Variants in THADA observed in about 807,000 individuals in gnomAD.
THADA encodes THADA armadillo repeat containing, also known as tRNA (32-2'-O)-methyltransferase regulator THADA.
A neutral mutation model predicts 219.8 loss-of-function variants in THADA; 213 were observed. The observed-to-expected ratio is 0.97, with a 90% CI of 0.87 to 1.09. The LOEUF (loss-of-function observed/expected upper bound fraction) is 1.09. Ranked by LOEUF, THADA falls within the 50% of genes least tolerant of loss-of-function variation. The pLI, the probability that THADA is intolerant of heterozygous loss-of-function variation, is 0.00. For missense variants in THADA, 2,956 were observed against 2,311.3 expected (o/e 1.28, Z -5.72); for synonymous variants, 1,018 against 828.9 (o/e 1.23, Z -3.92).
intron 29 of THADA, among the ~76,000 whole-genome samples, chr2:43,383,039 T>C (rs1389623366): frequency 6.6e-6 from 1 of 152,152 alleles, no homozygotes. Context: ...AAAGAATAAA[T>C]TATGAAAATG....
chr2:43,231,000 G>C lies in THADA; in HGVS notation c.5810C>G (p.Ser1937Cys). 1 of 1,613,870 alleles carries C rather than the reference G, an allele frequency of 6.2e-7. No individual in the cohort carries two copies. The highest frequency in any genetic ancestry group is 8.5e-7 in the Non-Finnish European group (1 of 1,179,836). ...AGTTAACTGCCTCGATTCTGCATAA[G>C]AGTCCCAAACACTGAGAACTAGGGT... ...EDTLVLSVWD[S>C]YAESRQLTLP... The change falls in exon 38 of 38, where the codon TCT (serine) becomes TGT (cysteine). Residue 1937 changes from serine to cysteine, a missense_variant. By Grantham distance (112) the Ser-to-Cys change is moderately radical. Coordinates refer to ENST00000405975, the MANE Select transcript of THADA (RefSeq NM_022065.5).
At chr2:43,234,367 A>G (rs1366028965) in intron 36 of THADA, among the ~76,000 whole-genome samples, 2 of 152,116 alleles carry the variant, frequency 1.3e-5, no homozygotes, top group African/African-American at 2.4e-5. Flanking sequence ...TACTGATCTC[A>G]CCATCTTGAG....
chr2:43,472,980 G>C (rs1264099371), intron 26 of THADA, among the ~76,000 whole-genome samples: 1 of 152,198 alleles, frequency 6.6e-6, no homozygotes, highest in Non-Finnish European at 1.5e-5. Context: ...ACTGGAAGTT[G>C]TTCTGGGGTG....
chr2:43,332,364 G>A (rs1304132039), intron 30 of THADA, among the ~76,000 whole-genome samples: 1 of 152,124 alleles, frequency 6.6e-6, no homozygotes, highest in Non-Finnish European at 1.5e-5. Context: ...TCCCTTCTCT[G>A]CTTCTGCAAC....
intron 29 of THADA, among the ~76,000 whole-genome samples, chr2:43,394,186 T>C (rs1673745519): frequency 6.6e-6 from 1 of 152,230 alleles, no homozygotes; most frequent in African/African-American, 2.4e-5. Flanking sequence ...TCACCTTTTC[T>C]AATGTGTGTT....
rs181359788 is a variant in THADA, at chr2:43,417,753, T to C, written c.4058+10347A>G. 4.6e-5 allele frequency among the ~76,000 whole-genome samples: 7 copies of C among 152,336 alleles called. No homozygotes were observed. The East Asian group carries it at 7.7e-4, about 17-fold the overall frequency. On this transcript the variant is annotated intron_variant, in intron 28 of 37. Coordinates refer to ENST00000405975, the MANE Select transcript of THADA (RefSeq NM_022065.5). ...GAGCTAGAATAGCTAAAGCAGTCGC[T>C]AACAGCATGGGTTCTAGAGTCAGAT...
At position 43,578,581 on chromosome 2, in the gene THADA, T is replaced by C; in HGVS notation, c.748A>G (p.Thr250Ala). 1.2e-6 allele frequency: 2 copies of C among 1,612,496 alleles called. No homozygotes were observed. Among genetic ancestry groups the C allele is most frequent in the Non-Finnish European group, 1.7e-6 (2 of 1,178,844 alleles). The change falls in exon 9 of 38, where the codon ACA (threonine) becomes GCA (alanine). Residue 250 changes from threonine (T) to alanine (A), a missense_variant. By Grantham distance (58) the Thr-to-Ala change is moderately conservative. Coordinates refer to ENST00000405975, the MANE Select transcript of THADA (RefSeq NM_022065.5). ...AAAAGAATAATAGCTAATCCAGATG[T>C]GCTCTGTACAGTCTGTAACAGATCA... ...DDDLLQTVQS[T>A]SGLAIILFIK...
chr2:43,282,047 G>T (rs1572898709), intron 35 of THADA, among the ~76,000 whole-genome samples: 1 of 152,198 alleles, frequency 6.6e-6, no homozygotes, highest in East Asian at 1.9e-4. Flanking sequence ...TAGGATTATA[G>T]GCATGAGTCA....
At chr2:43,363,346 C>A (rs1669742569) in intron 29 of THADA, among the ~76,000 whole-genome samples, 1 of 152,166 alleles carries the variant, frequency 6.6e-6, no homozygotes, top group African/African-American at 2.4e-5. Flanking sequence ...TTTTTAGCCC[C>A]ATTATAATCT....
rs567872757 is a variant in THADA, at chr2:43,427,683, G to A, written c.4058+417C>T. On this transcript the variant is annotated intron_variant, in intron 28 of 37. Transcript: ENST00000405975. ...AAAAAAATATATAATATGGCCGGGCGCGGTGGCTCATGCCTGTAATCCCAG... is the reference window on the plus strand; with the variant it reads ...AAAAAAATATATAATATGGCCGGGCACGGTGGCTCATGCCTGTAATCCCAG... 4.0e-5 allele frequency among the ~76,000 whole-genome samples: 6 copies of A among 149,254 alleles called. No individual in the cohort carries two copies. In the South Asian group the frequency reaches 6.3e-4, roughly 16 times the overall value.
chr2:43,557,063 A>G (rs1697451547), intron 16 of THADA, among the ~76,000 whole-genome samples: 1 of 152,172 alleles, frequency 6.6e-6, no homozygotes, highest in African/African-American at 2.4e-5. Context: ...AGCCTAGGCA[A>G]TAGAGTGAGA....
At chr2:43,289,284 G>A (rs1674410755) in intron 34 of THADA, among the ~76,000 whole-genome samples, 1 of 152,174 alleles carries the variant, frequency 6.6e-6, no homozygotes, top group Non-Finnish European at 1.5e-5. Context: ...AACAGGGACT[G>A]TTGTTCCAGA....
intron 16 of THADA, among the ~76,000 whole-genome samples, chr2:43,557,287 G>C (rs1697490314): frequency 6.6e-6 from 1 of 152,114 alleles, no homozygotes; most frequent in South Asian, 2.1e-4. Flanking sequence ...TCTTTCTTCA[G>C]CAAAAGTGTA....
intron 1 of THADA, among the ~76,000 whole-genome samples, chr2:43,595,251 G>A (rs777041378): frequency 6.6e-6 from 1 of 152,208 alleles, no homozygotes; most frequent in Non-Finnish European, 1.5e-5. Context: ...TGTTTGGGAA[G>A]TAAGAAATCC....
At chr2:43,361,677 C>A (rs1026681044) in intron 29 of THADA, among the ~76,000 whole-genome samples, 5 of 152,230 alleles carry the variant, frequency 3.3e-5, no homozygotes, top group African/African-American at 1.2e-4. Context: ...GTCCCAGAAA[C>A]TGTGCTTTCT....
rs1164015549 is a variant in THADA at position 43,292,194 on chromosome 2, G to C, written c.4847C>G (p.Pro1616Arg). ...CTCCGTCTGGGGAAGCCACTCACCA[G>C]GGTCCATGCAGTGGAGAATTTTCAG... ...KILKILHCMD[P>R]GEWLPQTEHC... Residue 1616 changes from proline (P) to arginine (R), a missense_variant, in exon 33 of 38, where the codon CCT becomes CGT. By Grantham distance (103) the Pro-to-Arg change is moderately radical (BLOSUM62 -2). Transcript: ENST00000405975. 6.2e-7 allele frequency: 1 copy of C among 1,610,428 alleles called. No individual in the cohort carries two copies. Among genetic ancestry groups the C allele is most frequent in the Non-Finnish European group, 8.5e-7 (1 of 1,178,702 alleles).
chr2:43,589,334 C>T (rs944317055), intron 4 of THADA, among the ~76,000 whole-genome samples: 2 of 152,070 alleles, frequency 1.3e-5, no homozygotes, highest in Non-Finnish European at 2.9e-5. Context: ...AGGGATGAAC[C>T]TTAAGGACAT....
At chr2:43,568,628 T>G (rs934459672) in intron 14 of THADA, among the ~76,000 whole-genome samples, 1 of 152,192 alleles carries the variant, frequency 6.6e-6, no homozygotes, top group East Asian at 1.9e-4. Flanking sequence ...TACCTGAGTT[T>G]TCACAAATGT....
In THADA at chr2:43,541,153, C is replaced by T. The variant is rs774725956; in HGVS notation, c.3264+6G>A. The T allele has an allele frequency of 2.1e-5, 33 of 1,552,278 alleles. No homozygotes were observed. In the South Asian group the frequency reaches 2.3e-4, roughly 11 times the overall value. ...TTATACATGGTGGAATAAACATGTG[C>T]CTTACCTGCTCCACCGTCAATAATC... On this transcript the variant is annotated splice_donor_region_variant and intron_variant, in intron 21 of 37. Transcript: ENST00000405975.
Sources: allele counts gnomAD v4.1 joint callset (sites outside exome capture counted in the v4.1 genomes callset), GRCh38; gene constraint gnomAD v4.1.1; transcripts MANE v1.5; gene names NCBI Gene and HGNC (gene_info 2026-07-23, HGNC 2026-07-21).